The following CAPN3 variants were observed in gnomAD, a reference collection of about 807,000 sequenced individuals.
The protein encoded by CAPN3 is calpain-3.
Under a neutral mutation model 114.0 loss-of-function variants are expected in CAPN3, and 88 were observed. The observed-to-expected ratio is 0.77, with a 90% confidence interval of 0.65 to 0.92. CAPN3 has a LOEUF of 0.92. Among genes scored for constraint, CAPN3 ranks in the 40% least tolerant of loss-of-function variants. The pLI is 0.00. For synonymous variants in CAPN3, 386 were observed against 382.9 expected, an observed-to-expected ratio of 1.01 and a Z score of -0.09; for missense variants, 1,028 against 1,069.0, an observed-to-expected ratio of 0.96 and a Z score of 0.53.
chr15:42,408,681 A>G, intron 16 of CAPN3: 1 of 365,324 alleles, frequency 2.7e-6, no homozygotes, highest in South Asian at 2.1e-5. Flanking sequence ...ATAGGGGGAT[A>G]AAGGATAGGA....
At chr15:42,374,063 G>A (rs771103857) in intron 1 of CAPN3, 18 of 152,284 alleles carry the variant, frequency 1.2e-4, no homozygotes, top group Admixed American at 3.9e-4. Context: ...GCTGTCCTTG[G>A]AACTCTCTCT....
At chr15:42,409,872 G>C in intron 18 of CAPN3, 28 bp downstream of exon 18, 1 of 940,060 alleles carries the variant, frequency 1.1e-6, no homozygotes. Flanking sequence ...AATGGGGGTG[G>C]GGTGGGTGGG....
chr15:42,407,521 G>A (rs184333234), intron 15 of CAPN3, among the ~76,000 whole-genome samples: 13 of 152,258 alleles, frequency 8.5e-5, no homozygotes, highest in African/African-American at 7.2e-5. Flanking sequence ...AGTAGAGATG[G>A]GGTTTCACCC....
intron 18 of CAPN3, 34 bp downstream of exon 18, chr15:42,409,878 G>C: frequency 1.8e-6 from 1 of 551,008 alleles, no homozygotes; most frequent in South Asian, 1.4e-5. Flanking sequence ...GGTGGGGTGG[G>C]TGGGGAGTCC....
chr15:42,393,980 C>T (rs1393992306), intron 7 of CAPN3, among the ~76,000 whole-genome samples: 2 of 152,072 alleles, frequency 1.3e-5, no homozygotes, highest in Non-Finnish European at 2.9e-5. Context: ...CCTCCTCCCC[C>T]GAAGCTCATA....
At chr15:42,402,646 A>G (rs1396851464) in intron 12 of CAPN3, 148 bp from the exon 13 acceptor site, 3 of 1,538,816 alleles carry the variant, frequency 1.9e-6, no homozygotes, top group African/African-American at 1.4e-5. Flanking sequence ...TAGGGAGGCT[A>G]TTTAAGCCTT....
chr15:42,402,250 G>A lies in CAPN3; in HGVS notation c.1536+115G>A, dbSNP rs1595837877. The A allele has an allele frequency of 8.1e-6, 13 of 1,602,726 alleles. No individual in the cohort carries two copies. The East Asian group carries it at 2.9e-4, about 36-fold the overall frequency. ...GGGTTTGTGGGCAGGACTGTGATAG[G>A]AGAGGGCCTTGCCTGTGTTATTTCC... On this transcript the variant is annotated intron_variant, in intron 12 of 23. Transcript: ENST00000397163.
intron 1 of CAPN3, among the ~76,000 whole-genome samples, chr15:42,365,959 A>G (rs3850774): frequency 0.28 from 42,612 of 151,998 alleles, 8,805 homozygotes; most frequent in African/African-American, 0.58. Context: ...TAGAGTTTAG[A>G]TAAGTTTCCC....
At chr15:42,373,017 A>C (rs8040129) in intron 1 of CAPN3, among the ~76,000 whole-genome samples, 7,957 of 151,260 alleles carry the variant, frequency 0.053, 641 homozygotes, top group African/African-American at 0.17. Context: ...GGTGAAACCC[A>C]ATCTCTATTA....
chr15:42,409,736 C>G, intron 17 of CAPN3, 51 bp from the exon 18 acceptor site: 1 of 1,524,088 alleles, frequency 6.6e-7, no homozygotes, highest in African/African-American at 1.4e-5. Context: ...GTGTCCGCGC[C>G]AGGAGCTGCT....
chr15:42,405,777 C>T (rs907301966), intron 14 of CAPN3, 149 bp from the exon 15 acceptor site: 3 of 655,548 alleles, frequency 4.6e-6, no homozygotes, highest in Admixed American at 5.2e-5. Flanking sequence ...CCTCCATGCC[C>T]CTTTTTGGCT....
intron 22 of CAPN3, 60 bp from the exon 23 acceptor site, chr15:42,411,227 T>TA: frequency 7.1e-7 from 1 of 1,409,854 alleles, no homozygotes. Context: ...GAGGGGAAGT[T>TA]ACAGTAGTAG....
In CAPN3 at chr15:42,367,155, T is replaced by A. The variant is rs186770484; in HGVS notation, c.309+7041T>A. ...CCTCCCTCACAGAATTCTTTCCGAGTGCTTGTGAAACTTCTGAGGCAAGTG... is the reference window on the plus strand; with the variant it reads ...CCTCCCTCACAGAATTCTTTCCGAGAGCTTGTGAAACTTCTGAGGCAAGTG... On this transcript the variant is annotated intron_variant, in intron 1 of 23. Coordinates refer to ENST00000397163, the MANE Select transcript of CAPN3 (RefSeq NM_000070.3). Among the ~76,000 whole-genome samples, 595 of 152,240 alleles carry A rather than the reference T, an allele frequency of 3.9e-3. 2 individuals carry two copies. Among genetic ancestry groups the A allele is most frequent in the Middle Eastern group, 0.017 (5 of 292 alleles).
intron 13 of CAPN3, 64 bp from the exon 14 acceptor site, chr15:42,403,677 C>A: frequency 1.3e-6 from 2 of 1,484,916 alleles, no homozygotes; most frequent in South Asian, 2.3e-5. Context: ...CAGAGCAAAC[C>A]GTCCACGGGC....
At chr15:42,408,102 C>A (rs2054077666) in intron 15 of CAPN3, 109 bp from the exon 16 acceptor site, 2 of 736,922 alleles carry the variant, frequency 2.7e-6, no homozygotes, top group South Asian at 1.4e-5. Context: ...CCCGCCTATT[C>A]CTTTCCTCTT....
chr15:42,392,722 G>A lies in CAPN3; in HGVS notation c.1029G>A (p.Glu343=), dbSNP rs1319795153. The change falls in exon 7 of 24, where the codon GAG becomes GAA. Residue 343 remains glutamate, a splice_region_variant and synonymous_variant. Coordinates refer to ENST00000397163, the MANE Select transcript of CAPN3 (RefSeq NM_000070.3). The part of the protein sequence containing the change: ...GHAYSVTGLD[E]VPFKGEKVKL... ...CCTACTCTGTCACGGGGCTGGATGA[G>A]GTAAGCCTGGTGGGGCTTGGTGGGG... 4 of 1,613,376 alleles carry A rather than the reference G, an allele frequency of 2.5e-6. 1 individual carries two copies. The South Asian group carries it at 4.4e-5, about 18-fold the overall frequency.
At chr15:42,408,569 G>C (rs2054097725) in intron 16 of CAPN3, 2 of 489,878 alleles carry the variant, frequency 4.1e-6, no homozygotes, top group South Asian at 1.8e-5. Flanking sequence ...CCATGGAGCT[G>C]ATCCAGCCAG....
intron 1 of CAPN3, among the ~76,000 whole-genome samples, chr15:42,376,506 C>T (rs1034761029): frequency 1.3e-5 from 2 of 150,368 alleles, no homozygotes; most frequent in African/African-American, 4.9e-5. Context: ...TGGGAGCTCT[C>T]AGTTGGCTCC....
intron 1 of CAPN3, 82 bp downstream of exon 1, chr15:42,360,196 G>A (rs2052604674): frequency 6.9e-7 from 1 of 1,447,338 alleles, no homozygotes; most frequent in Non-Finnish European, 9.7e-7. Context: ...GCTCAGCTGT[G>A]CACATGGGCA....
Sources: allele counts gnomAD v4.1 joint callset (sites outside exome capture counted in the v4.1 genomes callset), GRCh38; gene constraint gnomAD v4.1.1; transcripts MANE v1.5; gene names NCBI Gene and HGNC (gene_info 2026-07-23, HGNC 2026-07-21).